The following FSTL5 variants were observed in gnomAD, a reference collection of about 807,000 sequenced individuals.
FSTL5 encodes the protein follistatin like 5, also known as follistatin-related protein 5.
In FSTL5, 62 loss-of-function variants were observed where a neutral mutation model predicts 89.1. The observed-to-expected ratio is 0.70, with a 90% CI of 0.57 to 0.86. FSTL5 has a LOEUF of 0.86. Ranked by LOEUF, FSTL5 falls within the 40% of genes least tolerant of loss-of-function variation. The pLI is 0.00. For synonymous variants in FSTL5, 383 were observed against 346.2 expected, an observed-to-expected ratio of 1.11 and a Z score of -1.18; for missense variants, 1,057 against 1,001.6, an observed-to-expected ratio of 1.06 and a Z score of -0.75.
At chr4:161,811,189 C>CA in intron 4 of FSTL5, among the ~76,000 whole-genome samples, 1 of 151,688 alleles carries the variant, frequency 6.6e-6, no homozygotes, top group South Asian at 2.1e-4. Context: ...GTGAGAGGAG[C>CA]AAAAAACAAA....
intron 4 of FSTL5, among the ~76,000 whole-genome samples, chr4:161,823,666 C>T (rs1302043579): frequency 6.6e-6 from 1 of 152,108 alleles, no homozygotes; most frequent in Non-Finnish European, 1.5e-5. Context: ...GGGTTCCTGC[C>T]CTGCAAACTT....
intron 2 of FSTL5, among the ~76,000 whole-genome samples, chr4:162,080,724 T>C (rs1009350893): frequency 6.6e-6 from 1 of 151,662 alleles, no homozygotes; most frequent in Non-Finnish European, 1.5e-5. Flanking sequence ...TGAATCTGGA[T>C]AAAAGCCCCC....
intron 3 of FSTL5, among the ~76,000 whole-genome samples, chr4:161,971,281 T>C (rs1735474878): frequency 6.6e-6 from 1 of 152,166 alleles, no homozygotes; most frequent in African/African-American, 2.4e-5. Context: ...TTTCATTATG[T>C]CACAAACATT....
At chr4:162,084,495 T>G (rs1730228772) in intron 2 of FSTL5, among the ~76,000 whole-genome samples, 1 of 152,098 alleles carries the variant, frequency 6.6e-6, no homozygotes, top group South Asian at 2.1e-4. Flanking sequence ...GCAGCACTAT[T>G]CACAATAGTA....
chr4:161,938,683 A>T (rs1023797670), intron 3 of FSTL5, among the ~76,000 whole-genome samples: 5 of 152,068 alleles, frequency 3.3e-5, no homozygotes, highest in African/African-American at 9.6e-5. Flanking sequence ...TAAATTTGGC[A>T]TCCTAAAGAA....
chr4:161,622,101 A>G (rs567101158), intron 7 of FSTL5, among the ~76,000 whole-genome samples: 8 of 152,286 alleles, frequency 5.3e-5, no homozygotes, highest in Non-Finnish European at 1.0e-4. Context: ...AATTCATGGT[A>G]TAAACACTCA....
At chr4:161,689,699 C>T (rs1478275444) in intron 6 of FSTL5, among the ~76,000 whole-genome samples, 2 of 152,000 alleles carry the variant, frequency 1.3e-5, no homozygotes, top group Non-Finnish European at 2.9e-5. Flanking sequence ...CAACTTAGTG[C>T]ATTCAGTATA....
intron 12 of FSTL5, among the ~76,000 whole-genome samples, chr4:161,483,597 G>T (rs2126457550): frequency 6.6e-6 from 1 of 152,188 alleles, no homozygotes; most frequent in East Asian, 1.9e-4. Context: ...GATTTTCTTT[G>T]CTTTGGTTTA....
At chr4:162,159,644 G>A (rs1359157331) in intron 1 of FSTL5, among the ~76,000 whole-genome samples, 1 of 151,984 alleles carries the variant, frequency 6.6e-6, no homozygotes, top group African/African-American at 2.4e-5. Context: ...GGGATATCCA[G>A]GCTGTGTTCT....
At chr4:161,428,291 G>A (rs985026332) in intron 15 of FSTL5, among the ~76,000 whole-genome samples, 2 of 152,154 alleles carry the variant, frequency 1.3e-5, no homozygotes, top group Non-Finnish European at 2.9e-5. Flanking sequence ...GGCAGTCTAG[G>A]CCACAAGGAC....
intron 7 of FSTL5, among the ~76,000 whole-genome samples, chr4:161,637,967 G>T (rs1418179230): frequency 6.6e-6 from 1 of 151,176 alleles, no homozygotes; most frequent in Non-Finnish European, 1.5e-5. Flanking sequence ...GGTTCCATAT[G>T]AACTTTAAAG....
At chr4:161,939,424 T>C (rs1734518420) in intron 3 of FSTL5, among the ~76,000 whole-genome samples, 1 of 151,994 alleles carries the variant, frequency 6.6e-6, no homozygotes, top group Admixed American at 6.6e-5. Context: ...CTTTAGAATA[T>C]TTTTATTTAA....
At chr4:161,778,471 G>A (rs1293127862) in intron 4 of FSTL5, among the ~76,000 whole-genome samples, 1 of 152,070 alleles carries the variant, frequency 6.6e-6, no homozygotes, top group Admixed American at 6.6e-5. Context: ...GAGAAGCATG[G>A]GGCTGCAAAA....
rs139670858 is a variant in FSTL5, at chr4:162,018,842, T to A, written c.160+14783A>T. Among the ~76,000 whole-genome samples, 21 of 152,284 alleles carry A rather than the reference T, an allele frequency of 1.4e-4. No homozygotes were observed. In the East Asian group the frequency reaches 3.7e-3, roughly 27 times the overall value. ...GCATATCAGTGTAGACAGATCTGTC[T>A]TCTTCACTCACTATCTCCATCAATT... On this transcript the variant is annotated intron_variant, in intron 3 of 15. Coordinates refer to ENST00000306100, the MANE Select transcript of FSTL5 (RefSeq NM_020116.5).
chr4:162,152,376 T>G (rs1733258203), intron 1 of FSTL5, among the ~76,000 whole-genome samples: 1 of 152,202 alleles, frequency 6.6e-6, no homozygotes, highest in Admixed American at 6.5e-5. Flanking sequence ...TTCTTTCAAG[T>G]CTTATTTTCT....
intron 2 of FSTL5, among the ~76,000 whole-genome samples, chr4:162,093,021 C>A: frequency 6.7e-6 from 1 of 150,260 alleles, no homozygotes; most frequent in African/African-American, 2.4e-5. Context: ...GGGCTTATAC[C>A]TTATAAGCAT....
At chr4:161,614,065 A>G (rs1178785809) in intron 7 of FSTL5, among the ~76,000 whole-genome samples, 1 of 152,186 alleles carries the variant, frequency 6.6e-6, no homozygotes, top group Admixed American at 6.5e-5. Context: ...TCTATTTAAA[A>G]TACTTTCTTT....
At chr4:162,097,663 G>C (rs1477342396) in intron 2 of FSTL5, among the ~76,000 whole-genome samples, 1 of 151,668 alleles carries the variant, frequency 6.6e-6, no homozygotes, top group Non-Finnish European at 1.5e-5. Flanking sequence ...GCAAAAATTG[G>C]AGCAGACCCT....
chr4:161,974,459 C>T (rs1735574172), intron 3 of FSTL5, among the ~76,000 whole-genome samples: 2 of 136,926 alleles, frequency 1.5e-5, no homozygotes. Flanking sequence ...ATATCTACAA[C>T]TATCTGATCT....
Sources: allele counts gnomAD v4.1 joint callset (sites outside exome capture counted in the v4.1 genomes callset), GRCh38; gene constraint gnomAD v4.1.1; transcripts MANE v1.5; gene names NCBI Gene and HGNC (gene_info 2026-07-23, HGNC 2026-07-21).